The following RLN2 variants were observed in gnomAD, a reference collection of about 807,000 sequenced individuals.
RLN2 encodes prorelaxin H2.
RLN2 carries 10 observed loss-of-function variants against 7.3 expected under a neutral mutation model. That is an observed-to-expected ratio of 1.36 (90% confidence interval 0.84 to 2.31). The LOEUF (loss-of-function observed/expected upper bound fraction) is 2.31, where lower values mean the gene tolerates loss of function less well. RLN2 is among the 30% of genes most tolerant of loss of function. The pLI is 0.00. For synonymous variants in RLN2, 103 were observed against 82.3 expected (o/e 1.25, Z -1.36); for missense variants, 298 against 217.6 (o/e 1.37, Z -2.32).
Position 5,304,543 on chromosome 9 carries a change from C to T in RLN2, c.38G>A (p.Cys13Tyr). The change falls in exon 1 of 2, where the codon TGT becomes TAT. Residue 13 changes from cysteine (C) to tyrosine (Y), a missense_variant. Transcript: ENST00000381627. ...TCTGGAAAATTGGTTCAGTAGTAAA[C>T]AGACTCCTAGCAGGTGGAAAAAAAA... is the stretch of plus-strand genomic sequence containing the variant. ...RLFFFHLLGVCLLLNQFSRAV... is the reference protein window; with the variant it reads ...RLFFFHLLGVYLLLNQFSRAV... The T allele has an allele frequency of 6.2e-7, 1 of 1,613,844 alleles. No homozygotes were observed. The highest frequency in any genetic ancestry group is 1.1e-5 in the South Asian group (1 of 91,046).
the RLN2 span, among the ~76,000 whole-genome samples, chr9:5,321,182 T>C: frequency 1.3e-5 from 2 of 152,120 alleles, no homozygotes; most frequent in Non-Finnish European, 2.9e-5. Flanking sequence ...GCAAATATTT[T>C]AGTGGTAAGT....
chr9:5,336,471 C>T, the RLN2 span, among the ~76,000 whole-genome samples: 1 of 152,002 alleles, frequency 6.6e-6, no homozygotes, highest in African/African-American at 2.4e-5. Flanking sequence ...GGACACCCAG[C>T]TGACATCTTA....
the RLN2 span, among the ~76,000 whole-genome samples, chr9:5,312,013 T>A: frequency 6.6e-6 from 1 of 151,528 alleles, no homozygotes; most frequent in African/African-American, 2.4e-5. Context: ...TTATTTTACT[T>A]TTTTTTTAAG....
In RLN2 at chr9:5,300,027, T is replaced by A; in HGVS notation, c.*71A>T. ...TATTCTAAGAATTGATGGGACCTGA[T>A]AGAAGCATCAGTGAAATGTCATTAA... On this transcript the variant is annotated 3_prime_UTR_variant, in exon 2 of 2. Coordinates refer to ENST00000381627, the MANE Select transcript of RLN2 (RefSeq NM_134441.3). 1.1e-6 allele frequency: 1 copy of A among 941,930 alleles called. No individual in the cohort carries two copies. The highest frequency in any genetic ancestry group is 2.4e-5 in the East Asian group (1 of 41,050). 58.3% of individuals were successfully genotyped at this position (941,930 alleles called of 1,614,324 possible).
chr9:5,329,163 C>T, the RLN2 span, among the ~76,000 whole-genome samples: 263 of 150,692 alleles, frequency 1.7e-3, 3 homozygotes, highest in African/African-American at 6.1e-3. Flanking sequence ...ATTAGCCGGG[C>T]GCGGTGGCGG....
chr9:5,317,552 A>G, the RLN2 span, among the ~76,000 whole-genome samples: 1 of 151,492 alleles, frequency 6.6e-6, no homozygotes, highest in Non-Finnish European at 1.5e-5. Context: ...ATATAGGTAA[A>G]GCAGTTGGTA....
Position 5,304,670 on chromosome 9 carries a change from TC to T in RLN2, c.-91del. 4 of 1,356,312 alleles carry T rather than the reference TC, an allele frequency of 2.9e-6. No individual in the cohort carries two copies. The highest frequency in any genetic ancestry group is 4.2e-6 in the Non-Finnish European group (4 of 958,376). 84.0% of individuals were successfully genotyped at this position (1,356,312 alleles called of 1,614,324 possible). ...CTACACACCTGGGCCTGTGTGCCTG[TC>T]CCGGGCTTTAGGCTGCTTTCCCTAC... is the stretch of plus-strand genomic sequence containing the variant. On this transcript the variant is annotated 5_prime_UTR_variant, in exon 1 of 2. Coordinates refer to ENST00000381627, the MANE Select transcript of RLN2 (RefSeq NM_134441.3).
the RLN2 span, among the ~76,000 whole-genome samples, chr9:5,317,376 C>A: frequency 1.3e-5 from 2 of 150,788 alleles, no homozygotes; most frequent in Admixed American, 1.3e-4. Context: ...TGCTTGAACC[C>A]AGGAGGCAGA....
At chr9:5,334,348 A>G in the RLN2 span, among the ~76,000 whole-genome samples, 1 of 152,170 alleles carries the variant, frequency 6.6e-6, no homozygotes, top group East Asian at 1.9e-4. Flanking sequence ...ATTTACAGAC[A>G]TTTGATGGAG....
At chr9:5,300,471 T>C (rs770198432) in intron 1 of RLN2, 27 bp from the exon 2 acceptor site, 2 of 1,491,164 alleles carry the variant, frequency 1.3e-6, no homozygotes, top group Non-Finnish European at 1.8e-6. Flanking sequence ...AAAAGGTGTA[T>C]GTGAGGGTAT....
In RLN2 at chr9:5,304,347, C is replaced by CG. The variant is rs1291749952; in HGVS notation, c.211+22dup. ...TAACCAATGGGAAGCGCGGGAAGGC[C>CG]GGGAGGGGGCGGGAGCTCTCACCTG... On this transcript the variant is annotated intron_variant, in intron 1 of 1. Transcript: ENST00000381627. 12 of 1,524,354 alleles carry CG rather than the reference C, an allele frequency of 7.9e-6. No individual in the cohort carries two copies. The African/African-American group carries it at 1.4e-4, about 17-fold the overall frequency. The allele number at this position is 1,524,354 out of a possible 1,614,324, so 94.4% of individuals were successfully genotyped here.
At chr9:5,319,986 ACTT>A in the RLN2 span, among the ~76,000 whole-genome samples, 1 of 128,230 alleles carries the variant, frequency 7.8e-6, no homozygotes, top group Non-Finnish European at 1.7e-5. Context: ...CTAAGCTAAC[ACTT>A]TTTTTTTTTT....
At chr9:5,301,405 T>A (rs1429940580) in intron 1 of RLN2, among the ~76,000 whole-genome samples, 2 of 152,208 alleles carry the variant, frequency 1.3e-5, no homozygotes, top group Non-Finnish European at 2.9e-5. Context: ...TTAAAAGATA[T>A]AAATTTATTT....
chr9:5,299,990 A>C lies in RLN2; in HGVS notation c.*108T>G. On this transcript the variant is annotated 3_prime_UTR_variant, in exon 2 of 2. Coordinates refer to ENST00000381627, the MANE Select transcript of RLN2 (RefSeq NM_134441.3). Reference sequence around the variant, plus strand: ...AATTGATGGGACCTAATATCTAACAAAGATTCTTAGATATTCTAAGAATTG... The same window carrying C: ...AATTGATGGGACCTAATATCTAACACAGATTCTTAGATATTCTAAGAATTG... 1.5e-6 allele frequency: 1 copy of C among 650,934 alleles called. No individual in the cohort carries two copies. The allele number at this position is 650,934 out of a possible 1,614,324, so 40.3% of individuals were successfully genotyped here.
chr9:5,322,668 G>A, the RLN2 span, among the ~76,000 whole-genome samples: 1 of 151,866 alleles, frequency 6.6e-6, no homozygotes, highest in East Asian at 1.9e-4. Flanking sequence ...CTTCTCCACT[G>A]CATCCCAACC....
chr9:5,331,334 A>G, the RLN2 span, among the ~76,000 whole-genome samples: 1 of 152,002 alleles, frequency 6.6e-6, no homozygotes. Context: ...TCGATGAGAA[A>G]ATCCTCAATA....
chr9:5,336,582 T>G, the RLN2 span, among the ~76,000 whole-genome samples: 6 of 152,078 alleles, frequency 3.9e-5, no homozygotes, highest in African/African-American at 1.5e-4. Context: ...AAATGTTTCT[T>G]GCTGTCAAAA....
chr9:5,332,990 ATTC>A, the RLN2 span, among the ~76,000 whole-genome samples: 1 of 152,028 alleles, frequency 6.6e-6, no homozygotes, highest in Non-Finnish European at 1.5e-5. Context: ...CAATGATAAT[ATTC>A]TTCTACTAAA....
At chr9:5,332,966 A>C in the RLN2 span, among the ~76,000 whole-genome samples, 1 of 152,034 alleles carries the variant, frequency 6.6e-6, no homozygotes. Flanking sequence ...CATACATCAC[A>C]GTAAGGATAA....
Sources: gnomAD v4.1 joint callset for allele counts (sites outside exome capture counted in the v4.1 genomes callset) on GRCh38, gnomAD v4.1.1 for gene constraint, MANE v1.5 for transcripts, NCBI Gene and HGNC (gene_info 2026-07-23, HGNC 2026-07-21) for gene names.